AKAP9: variants seen among roughly 807,000 people sequenced by gnomAD.
AKAP9 encodes A-kinase anchor protein 9.
Under a neutral mutation model 488.5 loss-of-function variants are expected in AKAP9, and 311 were observed. The observed-to-expected ratio is 0.64, with a 90% CI of 0.58 to 0.70. AKAP9 has a LOEUF of 0.70. Ranked by LOEUF, AKAP9 falls within the 30% of genes least tolerant of loss-of-function variation. The pLI, the probability that AKAP9 is intolerant of heterozygous loss-of-function variation, is 0.00. For missense variants in AKAP9, 4,215 were observed against 4,374.5 expected (o/e 0.96, Z 1.03); for synonymous variants, 1,462 against 1,483.5 (o/e 0.99, Z 0.33).
chr7:91,966,223 T>C (rs1475974659), intron 1 of AKAP9, among the ~76,000 whole-genome samples: 2 of 152,134 alleles, frequency 1.3e-5, no homozygotes, highest in Non-Finnish European at 2.9e-5. Context: ...ATTTGTCTGT[T>C]TTTGTTTTTG....
chr7:91,980,403 G>A, intron 3 of AKAP9, 70 bp downstream of exon 3: 1 of 657,556 alleles, frequency 1.5e-6, no homozygotes, highest in Non-Finnish European at 2.3e-6. Flanking sequence ...ATCATTGATT[G>A]TTGCTACTTG....
chr7:92,099,585 C>G, intron 43 of AKAP9, 102 bp from the exon 44 acceptor site: 1 of 1,131,858 alleles, frequency 8.8e-7, no homozygotes, highest in South Asian at 1.2e-5. Flanking sequence ...AACTCAAGCA[C>G]CAATTCATGA....
chr7:92,077,092 C>CTTTTTTTTTTTTTTTTTTTTTTTTTT (rs201649179), intron 29 of AKAP9, 85 bp downstream of exon 29: 2 of 296,970 alleles, frequency 6.7e-6, no homozygotes, highest in African/African-American at 3.1e-5. Flanking sequence ...ATTATTATTT[C>CTTTTTTTTTTTTTTTTTTTTTTTTTT]TTTCTTTTTT....
chr7:92,097,806 C>T lies in AKAP9; in HGVS notation c.10607+12C>T. ...AAAGCCTCTGAGAGGTTAGACTTTT[C>T]TGCCTGATCTTTGGGAAAGTAGTAT... On this transcript the variant is annotated intron_variant, in intron 42 of 49. Transcript: ENST00000356239. 3 of 1,613,118 alleles carry T rather than the reference C, an allele frequency of 1.9e-6. No individual in the cohort carries two copies. The highest frequency in any genetic ancestry group is 2.7e-5 in the African/African-American group (2 of 75,038).
chr7:92,106,549 C>T (rs1333552271), intron 47 of AKAP9, among the ~76,000 whole-genome samples: 2 of 152,140 alleles, frequency 1.3e-5, no homozygotes, highest in African/African-American at 2.4e-5. Flanking sequence ...AGGAAGTTTT[C>T]ATAATTTAAC....
At chr7:92,047,293 T>C (rs539434819) in intron 21 of AKAP9, among the ~76,000 whole-genome samples, 1 of 152,294 alleles carries the variant, frequency 6.6e-6, no homozygotes, top group East Asian at 1.9e-4. Context: ...CTCTGCTTAC[T>C]GCAACCTCCA....
At chr7:92,042,585 A>G (rs1332682919) in intron 19 of AKAP9, 83 bp from the exon 20 acceptor site, 7 of 959,810 alleles carry the variant, frequency 7.3e-6, no homozygotes, top group African/African-American at 4.8e-5. Flanking sequence ...TCTCATACCA[A>G]TATAGAAGAA....
At chr7:91,947,324 A>T (rs1030539588) in intron 1 of AKAP9, among the ~76,000 whole-genome samples, 2 of 151,892 alleles carry the variant, frequency 1.3e-5, no homozygotes, top group Admixed American at 1.3e-4. Flanking sequence ...GACTGCAGCT[A>T]TGAACTTTTA....
At chr7:92,016,827 T>C (rs1801574333) in intron 11 of AKAP9, among the ~76,000 whole-genome samples, 190 bp from the exon 12 acceptor site, 1 of 152,136 alleles carries the variant, frequency 6.6e-6, no homozygotes, top group South Asian at 2.1e-4. Flanking sequence ...TATTTTAATA[T>C]GAAATTTTCA....
At position 92,094,205 on chromosome 7, in the gene AKAP9, A is replaced by G. The variant is rs191231799; in HGVS notation, c.9579-818A>G. On this transcript the variant is annotated intron_variant, in intron 39 of 49. Transcript: ENST00000356239. ...ATAAATTGCATAGTTGTTTGCATTG[A>G]TAATTAATAACTAGTAATTGTACTA... Among the ~76,000 whole-genome samples, 5 of 152,228 alleles carry G rather than the reference A, an allele frequency of 3.3e-5. No homozygotes were observed. In the East Asian group the frequency reaches 9.7e-4, roughly 29 times the overall value.
intron 25 of AKAP9, 144 bp downstream of exon 25, chr7:92,065,607 A>G: frequency 1.6e-6 from 1 of 618,146 alleles, no homozygotes; most frequent in Non-Finnish European, 2.9e-6. Flanking sequence ...AATCGATCAA[A>G]AAGTACTATT....
At chr7:92,039,696 C>T (rs1299421430) in intron 17 of AKAP9, among the ~76,000 whole-genome samples, 2 of 151,576 alleles carry the variant, frequency 1.3e-5, no homozygotes, top group Non-Finnish European at 2.9e-5. Flanking sequence ...AACTCCAGGC[C>T]GAGTGTGGTG....
At chr7:92,106,339 T>A (rs1471440666) in intron 47 of AKAP9, among the ~76,000 whole-genome samples, 6 of 151,704 alleles carry the variant, frequency 4.0e-5, no homozygotes, top group Non-Finnish European at 8.8e-5. Context: ...TCCTATGATA[T>A]AAGTACAGTT....
intron 12 of AKAP9, among the ~76,000 whole-genome samples, chr7:92,019,389 C>G (rs1801999168): frequency 6.6e-6 from 1 of 151,932 alleles, no homozygotes; most frequent in Non-Finnish European, 1.5e-5. Flanking sequence ...ATCCGCCCAC[C>G]TTGGCCTCCC....
At chr7:91,959,288 T>A (rs970026434) in intron 1 of AKAP9, among the ~76,000 whole-genome samples, 2 of 151,974 alleles carry the variant, frequency 1.3e-5, no homozygotes, top group East Asian at 3.9e-4. Context: ...AATTTTAATT[T>A]TATTATTACT....
intron 6 of AKAP9, 86 bp downstream of exon 6, chr7:91,994,862 TAAA>T: frequency 2.3e-6 from 3 of 1,319,404 alleles, no homozygotes; most frequent in East Asian, 2.4e-5. Flanking sequence ...CTAAATTTGT[TAAA>T]AAAGCCATTT....
In AKAP9 at chr7:92,000,878, A is replaced by G. The variant is rs746988070; in HGVS notation, c.961A>G (p.Lys321Glu). 5.6e-6 allele frequency: 8 copies of G among 1,419,352 alleles called. No homozygotes were observed. In the South Asian group the frequency reaches 6.9e-5, roughly 12 times the overall value. 87.9% of individuals were successfully genotyped at this position (1,419,352 alleles called of 1,614,324 possible). ...AGATAAAAAAGTAGAAAACTCAAAT[A>G]AAGAAGAAATACAGGAAAAGGAGAC... The part of the protein sequence containing the change: ...EQDKKVENSN[K>E]EEIQEKETII... The change falls in exon 8 of 50, where the codon AAA becomes GAA. Residue 321 changes from lysine (K) to glutamate (E), a missense_variant. Lys to Glu is a moderately conservative substitution (Grantham distance 56, BLOSUM62 1). Transcript: ENST00000356239.
chr7:92,045,992 C>T (rs1222132107), intron 21 of AKAP9, among the ~76,000 whole-genome samples: 1 of 151,924 alleles, frequency 6.6e-6, no homozygotes, highest in Non-Finnish European at 1.5e-5. Flanking sequence ...TGCCACCATG[C>T]CCAGCTAATT....
intron 48 of AKAP9, chr7:92,107,791 CAGTG>C (rs1453982420): frequency 9.5e-6 from 2 of 211,290 alleles, no homozygotes; most frequent in African/African-American, 4.7e-5. Flanking sequence ...GCGGAGCTGG[CAGTG>C]AGCTGAGATT....
Sources: allele counts gnomAD v4.1 joint callset (sites outside exome capture counted in the v4.1 genomes callset), GRCh38; gene constraint gnomAD v4.1.1; transcripts MANE v1.5; gene names NCBI Gene and HGNC (gene_info 2026-07-23, HGNC 2026-07-21).